Variants in CLCA2 observed in about 807,000 individuals in gnomAD.
CLCA2 encodes the protein calcium-activated chloride channel regulator 2.
Under a neutral mutation model 82.9 loss-of-function variants are expected in CLCA2, and 85 were observed. That is an observed-to-expected ratio of 1.03 (90% CI 0.86 to 1.23). The LOEUF is 1.23. Among genes scored for constraint, CLCA2 ranks in the 50% most tolerant of loss-of-function variants. The pLI is 0.00. For missense variants in CLCA2, 1,089 were observed against 1,124.8 expected (o/e 0.97, Z 0.45); for synonymous variants, 421 against 391.7 (o/e 1.07, Z -0.88).
chr1:86,439,412 T>C (rs1301744126), intron 7 of CLCA2, among the ~76,000 whole-genome samples: 4 of 152,232 alleles, frequency 2.6e-5, no homozygotes, highest in Admixed American at 6.5e-5. Flanking sequence ...TTTTCTAAAC[T>C]GTTCCTAGCC....
chr1:86,442,476 G>C (rs2390093), intron 9 of CLCA2, among the ~76,000 whole-genome samples: 14,191 of 152,142 alleles, frequency 0.093, 743 homozygotes, highest in Middle Eastern at 0.16. Context: ...CCCCCCTCCC[G>C]ACAAGCTGTT....
chr1:86,425,593 G>A, intron 2 of CLCA2, 117 bp downstream of exon 2: 2 of 747,818 alleles, frequency 2.7e-6, no homozygotes, highest in African/African-American at 1.8e-5. Context: ...TATTAACAAT[G>A]CAAATAATAT....
chr1:86,424,560 C>T (rs1009839476), intron 1 of CLCA2, 127 bp downstream of exon 1: 63 of 720,272 alleles, frequency 8.7e-5, no homozygotes, highest in Admixed American at 2.1e-4. Flanking sequence ...TAAAAGATAG[C>T]GCCACAACGT....
intron 4 of CLCA2, among the ~76,000 whole-genome samples, chr1:86,431,812 A>G (rs897810183): frequency 6.6e-6 from 1 of 152,208 alleles, no homozygotes; most frequent in Non-Finnish European, 1.5e-5. Context: ...TAGTTGTTAA[A>G]GCCCTTGTTA....
chr1:86,427,545 C>G (rs1010566172), intron 2 of CLCA2, among the ~76,000 whole-genome samples: 1 of 124,660 alleles, frequency 8.0e-6, no homozygotes, highest in Non-Finnish European at 1.7e-5. Flanking sequence ...GACACACATA[C>G]ATACACACAC....
rs529497010 is a variant in CLCA2 at position 86,455,307 on chromosome 1, G to C, written c.2612G>C (p.Arg871Thr). 4.3e-6 allele frequency: 7 copies of C among 1,614,050 alleles called. No homozygotes were observed. The South Asian group carries it at 7.7e-5, about 18-fold the overall frequency. Residue 871 changes from arginine (R) to threonine (T), a missense_variant, in exon 14 of 14, where the codon AGG (arginine) becomes ACG (threonine). Physicochemically the swap from Arg to Thr is moderately conservative, Grantham distance 71. Transcript: ENST00000370565. ...TATGTTGCAATACGAGCAATGGATA[G>C]GAACTCCTTACAGTCTGCTGTATCT... ...RIYVAIRAMD[R>T]NSLQSAVSNI...
At chr1:86,434,928 T>G (rs1042754722) in intron 6 of CLCA2, among the ~76,000 whole-genome samples, 183 bp downstream of exon 6, 4 of 152,132 alleles carry the variant, frequency 2.6e-5, no homozygotes, top group Non-Finnish European at 5.9e-5. Flanking sequence ...AAGCCCCGCC[T>G]GCATTAACTA....
At chr1:86,427,607 A>G (rs1458519224) in intron 2 of CLCA2, among the ~76,000 whole-genome samples, 1 of 151,866 alleles carries the variant, frequency 6.6e-6, no homozygotes, top group Admixed American at 6.6e-5. Flanking sequence ...TAGAGTGATA[A>G]TTGTGTATAT....
At chr1:86,428,618 A>G in intron 3 of CLCA2, 50 bp downstream of exon 3, 1 of 1,577,410 alleles carries the variant, frequency 6.3e-7, no homozygotes, top group Non-Finnish European at 8.6e-7. Context: ...TACTTATAAT[A>G]TTCTGTGCTT....
At chr1:86,426,095 C>A (rs755407770) in intron 2 of CLCA2, among the ~76,000 whole-genome samples, 6 of 151,920 alleles carry the variant, frequency 3.9e-5, no homozygotes, top group Non-Finnish European at 5.9e-5. Context: ...AGTTGCAGAT[C>A]ATGATTAAGC....
chr1:86,428,340 G>A (rs1007127266), intron 2 of CLCA2, 78 bp from the exon 3 acceptor site: 2 of 1,366,914 alleles, frequency 1.5e-6, no homozygotes, highest in Admixed American at 4.7e-5. Context: ...ACAGTTCAAA[G>A]TGCTTTAATG....
At chr1:86,426,995 C>G (rs1444933679) in intron 2 of CLCA2, among the ~76,000 whole-genome samples, 2 of 152,152 alleles carry the variant, frequency 1.3e-5, no homozygotes, top group African/African-American at 4.8e-5. Flanking sequence ...GTTCATTTAT[C>G]TGTTGGATAC....
At chr1:86,427,867 T>G (rs1276997034) in intron 2 of CLCA2, among the ~76,000 whole-genome samples, 2 of 152,170 alleles carry the variant, frequency 1.3e-5, no homozygotes, top group Non-Finnish European at 2.9e-5. Context: ...TTCATTGGAA[T>G]GATCGTTTTG....
chr1:86,433,516 T>C (rs1662540945), intron 5 of CLCA2, among the ~76,000 whole-genome samples: 1 of 152,216 alleles, frequency 6.6e-6, no homozygotes, highest in African/African-American at 2.4e-5. Context: ...TAATATCTGA[T>C]ACTAACCTAA....
rs1022166469 is a variant in CLCA2, at chr1:86,440,284, C to T, written c.1340C>T (p.Ser447Leu). Residue 447 changes from serine (S) to leucine (L), a missense_variant, in exon 8 of 14, where the codon TCA (serine) becomes TTA (leucine). Transcript: ENST00000370565. Reference protein sequence around the residue: ...GSTIHSIALGSSAAPNLEELS... With the variant: ...GSTIHSIALGLSAAPNLEELS... ...ACAATTCACTCCATTGCCCTGGGTT[C>T]ATCTGCAGCCCCAAATCTGGAGGAA... 6.2e-7 allele frequency: 1 copy of T among 1,614,042 alleles called. No individual in the cohort carries two copies. The highest frequency in any genetic ancestry group is 1.7e-5 in the Admixed American group (1 of 59,994).
chr1:86,433,286 T>G (rs1171507575), intron 5 of CLCA2, among the ~76,000 whole-genome samples: 2 of 152,310 alleles, frequency 1.3e-5, no homozygotes, highest in East Asian at 3.9e-4. Context: ...CAAAAGCCTG[T>G]AAGTCACATC....
At chr1:86,454,772 A>G (rs1430828088) in intron 13 of CLCA2, among the ~76,000 whole-genome samples, 1 of 152,224 alleles carries the variant, frequency 6.6e-6, no homozygotes, top group Admixed American at 6.5e-5. Context: ...AACCTGGACA[A>G]CAGAGCAAGA....
chr1:86,424,481 C>T, intron 1 of CLCA2, 48 bp downstream of exon 1: 2 of 1,497,760 alleles, frequency 1.3e-6, no homozygotes, highest in African/African-American at 1.4e-5. Flanking sequence ...TTGATCAGAC[C>T]TGTAGCCTTA....
Position 86,455,092 on chromosome 1 carries a change from C to T in CLCA2, c.2397C>T (p.Ser799=), listed in dbSNP as rs1663048124. 2 of 1,506,018 alleles carry T rather than the reference C, an allele frequency of 1.3e-6. No individual in the cohort carries two copies. The highest frequency in any genetic ancestry group is 2.8e-5 in the African/African-American group (2 of 71,484). The allele number at this position is 1,506,018 out of a possible 1,614,324, so 93.3% of individuals were successfully genotyped here. Residue 799 remains serine, a synonymous_variant, in exon 14 of 14, where the codon AGC becomes AGT. Transcript: ENST00000370565. The part of the protein sequence containing the change: ...GEDFDQGQAT[S]YEIRMSKSLQ... ...TATATTTTTTAATTTCAGCTACAAG[C>T]TATGAAATAAGAATGAGTAAAAGTC...
Sources: gnomAD v4.1 joint callset for allele counts (sites outside exome capture counted in the v4.1 genomes callset) on GRCh38, gnomAD v4.1.1 for gene constraint, MANE v1.5 for transcripts, NCBI Gene and HGNC (gene_info 2026-07-23, HGNC 2026-07-21) for gene names.